TBC1D15: variants seen among roughly 807,000 people sequenced by gnomAD.
The protein encoded by TBC1D15 is TBC1 domain family member 15.
In TBC1D15, 39 loss-of-function variants were observed where a neutral mutation model predicts 95.4. The observed-to-expected ratio is 0.41, with a 90% CI of 0.32 to 0.53. The LOEUF (loss-of-function observed/expected upper bound fraction) is 0.53, where lower values mean the gene tolerates loss of function less well. TBC1D15 is among the 20% of genes least tolerant of loss of function. TBC1D15 has a pLI of 0.29. For missense variants in TBC1D15, 733 were observed against 794.3 expected (o/e 0.92, Z 0.93); for synonymous variants, 258 against 261.3 (o/e 0.99, Z 0.12).
At chr12:71,840,213 T>A (rs187377264) in intron 1 of TBC1D15, among the ~76,000 whole-genome samples, 59 of 152,366 alleles carry the variant, frequency 3.9e-4, no homozygotes, top group Non-Finnish European at 7.1e-4. Context: ...TGCCTCTGTC[T>A]TCTTTGCTAC....
At position 71,917,762 on chromosome 12, in the gene TBC1D15, T is replaced by A; in HGVS notation, c.1466T>A (p.Leu489His). The A allele has an allele frequency of 6.2e-7, 1 of 1,613,068 alleles. No individual in the cohort carries two copies. Among genetic ancestry groups the A allele is most frequent in the East Asian group, 2.2e-5 (1 of 44,832 alleles). ...CAGCTAATTCAGCTGAGTACCTTAC[T>A]TCGATTGTTAGACAGTGGATTTTGC... ...KTQLIQLSTL[L>H]RLLDSGFCSY... Residue 489 changes from leucine to histidine, a missense_variant, in exon 13 of 17, where the codon CTT becomes CAT. Coordinates refer to ENST00000485960, the MANE Select transcript of TBC1D15 (RefSeq NM_001146213.3).
chr12:71,854,884 T>C (rs1054251271), intron 1 of TBC1D15: 4 of 455,958 alleles, frequency 8.8e-6, no homozygotes, highest in African/African-American at 8.0e-5. Flanking sequence ...ATTTGTATCA[T>C]GTTTTCCATC....
At chr12:71,921,109 AT>A (rs1442202559) in intron 15 of TBC1D15, among the ~76,000 whole-genome samples, 2 of 152,176 alleles carry the variant, frequency 1.3e-5, no homozygotes, top group Admixed American at 6.5e-5. Context: ...TTGTCTTTTG[AT>A]TATAACTTTG....
In TBC1D15 at chr12:71,918,590, A is replaced by G. The variant is rs763668426; in HGVS notation, c.1599+42A>G. 2.4e-6 allele frequency: 3 copies of G among 1,271,482 alleles called. No homozygotes were observed. The South Asian group carries it at 4.0e-5, about 17-fold the overall frequency. 78.8% of individuals were successfully genotyped at this position (1,271,482 alleles called of 1,614,324 possible). A position where few individuals can be genotyped will look rare whatever the true frequency, so the allele number is the denominator to read the frequency against. ...TTATGCAAATGTGATATTTATTATG[A>G]AAAGAAACAATTTATTCTGTAGAGT... On this transcript the variant is annotated intron_variant, in intron 14 of 16. Coordinates refer to ENST00000485960, the MANE Select transcript of TBC1D15 (RefSeq NM_001146213.3).
At chr12:71,912,307 C>G (rs929299705) in intron 11 of TBC1D15, among the ~76,000 whole-genome samples, 3 of 152,062 alleles carry the variant, frequency 2.0e-5, no homozygotes, top group African/African-American at 4.8e-5. Flanking sequence ...TTGGTAACTT[C>G]ATTGTCTGGT....
chr12:71,843,987 T>G (rs1885695168), intron 1 of TBC1D15, among the ~76,000 whole-genome samples: 1 of 152,196 alleles, frequency 6.6e-6, no homozygotes, highest in African/African-American at 2.4e-5. Context: ...AACTCAGCTT[T>G]CTTCTTTCTG....
At chr12:71,867,694 G>T (rs185646449) in intron 1 of TBC1D15, among the ~76,000 whole-genome samples, 1 of 152,276 alleles carries the variant, frequency 6.6e-6, no homozygotes, top group East Asian at 1.9e-4. Context: ...TTACTTTGTT[G>T]CCCAGGCTGG....
At chr12:71,896,105 T>C (rs780367677) in intron 8 of TBC1D15, 30 bp downstream of exon 8, 2 of 1,567,326 alleles carry the variant, frequency 1.3e-6, no homozygotes, top group Admixed American at 3.5e-5. Flanking sequence ...ATGGCTTGTC[T>C]TATAAACTCC....
intron 5 of TBC1D15, among the ~76,000 whole-genome samples, chr12:71,892,019 G>A (rs1262023864): frequency 6.6e-6 from 1 of 152,074 alleles, no homozygotes; most frequent in Non-Finnish European, 1.5e-5. Context: ...TTCTTTATTA[G>A]CTACTTTTCT....
At chr12:71,847,111 T>C (rs1163894839) in intron 1 of TBC1D15, among the ~76,000 whole-genome samples, 2 of 152,028 alleles carry the variant, frequency 1.3e-5, no homozygotes, top group Non-Finnish European at 2.9e-5. Flanking sequence ...GTATTTAGAG[T>C]ATACAACTTT....
At chr12:71,919,686 A>AT (rs1290553454) in intron 14 of TBC1D15, among the ~76,000 whole-genome samples, 1 of 152,086 alleles carries the variant, frequency 6.6e-6, no homozygotes, top group East Asian at 1.9e-4. Flanking sequence ...TAGTGTCTTA[A>AT]TTTGGGGGTT....
At chr12:71,842,730 C>T (rs181083405) in intron 1 of TBC1D15, among the ~76,000 whole-genome samples, 1 of 149,752 alleles carries the variant, frequency 6.7e-6, no homozygotes, top group East Asian at 2.0e-4. Context: ...ACTTGGGAGG[C>T]TGAGGTGGGA....
chr12:71,863,346 C>G (rs1229946277), intron 1 of TBC1D15, among the ~76,000 whole-genome samples: 2 of 151,948 alleles, frequency 1.3e-5, no homozygotes, highest in African/African-American at 4.8e-5. Flanking sequence ...CCACTGCACT[C>G]CAGCCTGGGC....
intron 1 of TBC1D15, among the ~76,000 whole-genome samples, chr12:71,853,015 A>G (rs558343754): frequency 4.6e-5 from 7 of 152,332 alleles, no homozygotes; most frequent in East Asian, 3.9e-4. Flanking sequence ...GTATTAGTCA[A>G]TACTCACTGC....
At chr12:71,865,758 G>A (rs1029000602) in intron 1 of TBC1D15, among the ~76,000 whole-genome samples, 2 of 152,074 alleles carry the variant, frequency 1.3e-5, no homozygotes, top group South Asian at 2.1e-4. Flanking sequence ...CTCGGATATG[G>A]GGTACTGTGT....
At chr12:71,880,690 C>T in intron 4 of TBC1D15, 83 bp downstream of exon 4, 1 of 1,403,186 alleles carries the variant, frequency 7.1e-7, no homozygotes, top group Non-Finnish European at 9.5e-7. Flanking sequence ...TTCGTGAATG[C>T]TCCTCAGTGA....
intron 11 of TBC1D15, 160 bp downstream of exon 11, chr12:71,907,298 C>A: frequency 2.2e-6 from 1 of 458,162 alleles, no homozygotes; most frequent in Non-Finnish European, 3.8e-6. Flanking sequence ...GGTTCTCAAC[C>A]AAGGAGCCCT....
chr12:71,864,115 G>A (rs1890961798), intron 1 of TBC1D15, among the ~76,000 whole-genome samples: 1 of 151,734 alleles, frequency 6.6e-6, no homozygotes, highest in African/African-American at 2.4e-5. Context: ...TGTTGCCCAG[G>A]CTAAAGTGCA....
chr12:71,901,672 C>G (rs539784524), intron 10 of TBC1D15, among the ~76,000 whole-genome samples: 1 of 152,232 alleles, frequency 6.6e-6, no homozygotes, highest in South Asian at 2.1e-4. Flanking sequence ...CAGGCAAAAG[C>G]TGGAAGCATT....
Sources: allele counts gnomAD v4.1 joint callset (sites outside exome capture counted in the v4.1 genomes callset), GRCh38; gene constraint gnomAD v4.1.1; transcripts MANE v1.5; gene names NCBI Gene and HGNC (gene_info 2026-07-23, HGNC 2026-07-21).